The following CHD1L variants were observed in gnomAD, a reference collection of about 807,000 sequenced individuals.
CHD1L encodes the protein chromodomain helicase DNA binding protein 1 like.
Under a neutral mutation model 115.9 loss-of-function variants are expected in CHD1L, and 118 were observed. The observed-to-expected ratio is 1.02, with a 90% CI of 0.88 to 1.19. The LOEUF (loss-of-function observed/expected upper bound fraction) is 1.19, where lower values mean the gene tolerates loss of function less well. Ranked by LOEUF, CHD1L falls within the 50% of genes most tolerant of loss-of-function variation. The pLI is 0.00. For missense variants in CHD1L, 1,179 were observed against 1,065.3 expected (o/e 1.11, Z -1.49); for synonymous variants, 411 against 387.1 (o/e 1.06, Z -0.72).
the CHD1L span, among the ~76,000 whole-genome samples, chr1:147,200,409 TTC>T: frequency 2.2e-4 from 33 of 152,316 alleles, no homozygotes; most frequent in African/African-American, 7.7e-4. Context: ...TAAAAAATTT[TTC>T]TCTCTCTCCT....
chr1:147,174,173 GAAAAA>G, the CHD1L span, among the ~76,000 whole-genome samples: 46 of 147,732 alleles, frequency 3.1e-4, no homozygotes, highest in Admixed American at 3.0e-3. Context: ...TTTACAGGAA[GAAAAA>G]AAAAAGGTAC....
At chr1:147,178,389 T>C in the CHD1L span, 2 of 1,611,176 alleles carry the variant, frequency 1.2e-6, no homozygotes, top group Non-Finnish European at 1.7e-6. Flanking sequence ...CTAACACCTG[T>C]AATAAATATG....
chr1:147,242,473 G>A (rs1553931399), upstream of CHD1L, among the ~76,000 whole-genome samples: 2 of 152,236 alleles, frequency 1.3e-5, no homozygotes, highest in African/African-American at 4.8e-5. Context: ...TAGCGCTTCA[G>A]AAGCACGACT....
chr1:147,177,683 A>G, the CHD1L span, among the ~76,000 whole-genome samples: 1 of 152,176 alleles, frequency 6.6e-6, no homozygotes, highest in East Asian at 1.9e-4. Flanking sequence ...AAGAAATATC[A>G]GACAATCTCA....
At chr1:147,252,578 A>G (rs879957072) in intron 1 of CHD1L, 45 bp from the exon 2 acceptor site, 1 of 1,449,748 alleles carries the variant, frequency 6.9e-7, no homozygotes, top group Non-Finnish European at 9.7e-7. Context: ...CTCTGCATGT[A>G]CTGAAATGTC....
intron 12 of CHD1L, 128 bp from the exon 13 acceptor site, chr1:147,275,226 T>C (rs147828052): frequency 2.8e-6 from 2 of 716,088 alleles, no homozygotes. Flanking sequence ...TGTGGGTCCA[T>C]TTGAAGGATG....
the CHD1L span, among the ~76,000 whole-genome samples, chr1:147,198,850 CAAAAAAAAAA>C: frequency 3.9e-5 from 2 of 51,764 alleles, no homozygotes; most frequent in South Asian, 2.0e-3. Flanking sequence ...GACTGCATCT[CAAAAAAAAAA>C]AAAAAAAAAA....
At chr1:147,222,478 G>A in the CHD1L span, among the ~76,000 whole-genome samples, 1 of 152,122 alleles carries the variant, frequency 6.6e-6, no homozygotes, top group Non-Finnish European at 1.5e-5. Context: ...TGGGAGGAAT[G>A]AGGACAGTTT....
intron 10 of CHD1L, among the ~76,000 whole-genome samples, chr1:147,269,190 T>C (rs1180511176): frequency 6.6e-6 from 1 of 152,208 alleles, no homozygotes; most frequent in Non-Finnish European, 1.5e-5. Flanking sequence ...CTATATATTG[T>C]TTGGCTCTAC....
chr1:147,217,030 C>T, the CHD1L span, among the ~76,000 whole-genome samples: 4 of 152,058 alleles, frequency 2.6e-5, no homozygotes, highest in African/African-American at 7.2e-5. Context: ...CATCTGAGGT[C>T]GGGAGTTCAA....
At chr1:147,191,724 C>T in the CHD1L span, among the ~76,000 whole-genome samples, 1 of 151,906 alleles carries the variant, frequency 6.6e-6, no homozygotes, top group African/African-American at 2.4e-5. Context: ...CAGCTTTCTA[C>T]ATATGGCTAG....
At chr1:147,222,283 A>G in the CHD1L span, among the ~76,000 whole-genome samples, 1 of 152,280 alleles carries the variant, frequency 6.6e-6, no homozygotes, top group South Asian at 2.1e-4. Context: ...CATGAGAATC[A>G]CTTGAACCCA....
At chr1:147,216,080 T>A in the CHD1L span, 1 of 611,320 alleles carries the variant, frequency 1.6e-6, no homozygotes, top group African/African-American at 1.9e-5. Flanking sequence ...TGTGCCCTTA[T>A]GTAGTCCCTT....
Position 147,280,173 on chromosome 1 carries a change from A to G in CHD1L, c.1687A>G (p.Arg563Gly), listed in dbSNP as rs782126374. 4 of 1,600,404 alleles carry G rather than the reference A, an allele frequency of 2.5e-6. No homozygotes were observed. The highest frequency in any genetic ancestry group is 3.4e-6 in the Non-Finnish European group (4 of 1,174,192). ...DALPAAEGGS[R>G]DQEEGKNHMY... ...CTTGCCTGCAGCAGAAGGAGGGAGCAGAGATCAAGAGGAAGGAAGTAAGTT... is the reference window on the plus strand; with the variant it reads ...CTTGCCTGCAGCAGAAGGAGGGAGCGGAGATCAAGAGGAAGGAAGTAAGTT... The change falls in exon 15 of 23, where the codon AGA becomes GGA. Residue 563 changes from arginine (R) to glycine (G), a missense_variant. Physicochemically the swap from Arg to Gly is moderately radical, Grantham distance 125. Transcript: ENST00000369258.
intron 14 of CHD1L, among the ~76,000 whole-genome samples, chr1:147,278,007 G>C (rs370907917): frequency 6.6e-6 from 1 of 152,074 alleles, no homozygotes; most frequent in Non-Finnish European, 1.5e-5. Context: ...GGCCACAAAC[G>C]AGTGGGAACA....
the CHD1L span, among the ~76,000 whole-genome samples, chr1:147,182,835 T>C: frequency 1.3e-5 from 2 of 152,320 alleles, no homozygotes; most frequent in East Asian, 1.9e-4. Context: ...TTATGTCTTA[T>C]GTTTGATTGA....
rs1678497197 is a variant in CHD1L at position 147,276,392 on chromosome 1, C to T, written c.1539+135C>T. Reference sequence around the variant, plus strand: ...TCCTTGGCCTCCCTCACACCTGCCACAGTGCTGGCTGTGTGCAGGGTCTGT... The same window carrying T: ...TCCTTGGCCTCCCTCACACCTGCCATAGTGCTGGCTGTGTGCAGGGTCTGT... On this transcript the variant is annotated intron_variant, in intron 14 of 22. Transcript: ENST00000369258. 19 of 840,194 alleles carry T rather than the reference C, an allele frequency of 2.3e-5. No homozygotes were observed. In the South Asian group the frequency reaches 3.3e-4, roughly 15 times the overall value. The allele number at this position is 840,194 out of a possible 1,614,324, so 52.0% of individuals were successfully genotyped here. A position where few individuals can be genotyped will look rare whatever the true frequency, so the allele number is the denominator to read the frequency against.
intron 4 of CHD1L, 91 bp from the exon 5 acceptor site, chr1:147,256,440 C>T: frequency 8.8e-7 from 1 of 1,133,600 alleles, no homozygotes; most frequent in East Asian, 2.4e-5. Flanking sequence ...TAGATAAATC[C>T]TATAGTTTAA....
chr1:147,231,071 C>G, the CHD1L span, among the ~76,000 whole-genome samples: 1 of 152,018 alleles, frequency 6.6e-6, no homozygotes, highest in South Asian at 2.1e-4. Context: ...TTCGCTCTTG[C>G]TTCTCTAGTT....
Sources: allele counts gnomAD v4.1 joint callset (sites outside exome capture counted in the v4.1 genomes callset), GRCh38; gene constraint gnomAD v4.1.1; transcripts MANE v1.5; gene names NCBI Gene and HGNC (gene_info 2026-07-23, HGNC 2026-07-21).